The following PDE3A variants were observed in gnomAD, a reference collection of about 807,000 sequenced individuals.
The protein encoded by PDE3A is cGMP-inhibited 3',5'-cyclic phosphodiesterase 3A.
PDE3A carries 43 observed loss-of-function variants against 98.3 expected under a neutral mutation model. The observed-to-expected ratio is 0.44, with a 90% CI of 0.34 to 0.56. The LOEUF (loss-of-function observed/expected upper bound fraction) is 0.56, where lower values mean the gene tolerates loss of function less well. Among genes scored for constraint, PDE3A ranks in the 20% least tolerant of loss-of-function variants. The pLI is 0.01. For missense variants in PDE3A, 1,427 were observed against 1,440.7 expected, an observed-to-expected ratio of 0.99 and a Z score of 0.15; for synonymous variants, 663 against 567.9, an observed-to-expected ratio of 1.17 and a Z score of -2.38.
rs188646243 is a variant in PDE3A, at chr12:20,587,334, A to T, written c.1012-26109A>T. ...CAGTGAGCTGACATCACACCACTGC[A>T]CTCCAGCCTGGGCGACAGAGCAAGA... is the stretch of plus-strand genomic sequence containing the variant. On this transcript the variant is annotated intron_variant, in intron 2 of 15. Transcript: ENST00000359062. Among the ~76,000 whole-genome samples, 1,036 of 152,290 alleles carry T rather than the reference A, an allele frequency of 6.8e-3. 12 individuals are homozygous for T. The highest frequency in any genetic ancestry group is 0.024 in the African/African-American group (979 of 41,574).
rs1207919078 is a variant in PDE3A, at chr12:20,635,082, C to T, written c.2001+26C>T. Reference sequence around the variant, plus strand: ...GTAGTCCCATATCACTTAACTCACTCATTTACTTGAGAGATGAGCTTCTGT... The same window carrying T: ...GTAGTCCCATATCACTTAACTCACTTATTTACTTGAGAGATGAGCTTCTGT... On this transcript the variant is annotated intron_variant, in intron 8 of 15. Coordinates refer to ENST00000359062, the MANE Select transcript of PDE3A (RefSeq NM_000921.5). 3 of 1,585,642 alleles carry T rather than the reference C, an allele frequency of 1.9e-6. No individual in the cohort carries two copies. The South Asian group carries it at 3.4e-5, about 18-fold the overall frequency.
At chr12:20,573,563 G>C (rs576714881) in intron 2 of PDE3A, among the ~76,000 whole-genome samples, 2 of 151,998 alleles carry the variant, frequency 1.3e-5, no homozygotes, top group African/African-American at 4.8e-5. Context: ...CAGGACAAAC[G>C]CAAGAGGTAA....
intron 1 of PDE3A, among the ~76,000 whole-genome samples, chr12:20,512,270 C>CT (rs1462906651): frequency 1.3e-5 from 2 of 151,930 alleles, no homozygotes; most frequent in East Asian, 3.9e-4. Context: ...GGAGGGGGCA[C>CT]AGTATAAGAG....
chr12:20,448,389 C>T (rs769621007), intron 1 of PDE3A, among the ~76,000 whole-genome samples: 6 of 152,078 alleles, frequency 3.9e-5, no homozygotes, highest in Admixed American at 1.3e-4. Context: ...TGCTGTGAGC[C>T]GAGGTCGCGT....
chr12:20,441,085 A>C (rs1235931218), intron 1 of PDE3A, among the ~76,000 whole-genome samples: 1 of 152,212 alleles, frequency 6.6e-6, no homozygotes, highest in Admixed American at 6.5e-5. Flanking sequence ...ACCACAAAGT[A>C]CTGTTGGGAG....
intron 15 of PDE3A, among the ~76,000 whole-genome samples, chr12:20,679,320 T>C (rs1047378303): frequency 3.3e-5 from 5 of 152,324 alleles, no homozygotes; most frequent in Non-Finnish European, 5.9e-5. Flanking sequence ...CTATCTCAGC[T>C]CACTGCAAGC....
At chr12:20,490,567 T>G (rs1945809866) in intron 1 of PDE3A, among the ~76,000 whole-genome samples, 2 of 152,226 alleles carry the variant, frequency 1.3e-5, no homozygotes, top group East Asian at 3.9e-4. Context: ...AGGTGCAACT[T>G]AGACTCCAGT....
chr12:20,415,863 G>A (rs1315625765), intron 1 of PDE3A, among the ~76,000 whole-genome samples: 1 of 152,214 alleles, frequency 6.6e-6, no homozygotes, highest in African/African-American at 2.4e-5. Flanking sequence ...AGGCAGTACA[G>A]GCTTCAGTGT....
At chr12:20,576,048 C>A (rs1173757632) in intron 2 of PDE3A, among the ~76,000 whole-genome samples, 1 of 151,840 alleles carries the variant, frequency 6.6e-6, no homozygotes, top group Non-Finnish European at 1.5e-5. Context: ...TTATAGGGTA[C>A]ATGAAATATT....
chr12:20,537,108 A>G (rs905078001), intron 1 of PDE3A, among the ~76,000 whole-genome samples: 1 of 152,066 alleles, frequency 6.6e-6, no homozygotes, highest in African/African-American at 2.4e-5. Flanking sequence ...TGATGGGTAT[A>G]AGATGGTATC....
At chr12:20,611,740 C>T (rs907448603) in intron 2 of PDE3A, among the ~76,000 whole-genome samples, 44 of 151,820 alleles carry the variant, frequency 2.9e-4, no homozygotes, top group African/African-American at 1.0e-3. Flanking sequence ...TGTTAGGTGT[C>T]ATGATATTTT....
intron 1 of PDE3A, among the ~76,000 whole-genome samples, chr12:20,530,093 C>G (rs1946596980): frequency 6.6e-6 from 1 of 152,136 alleles, no homozygotes. Flanking sequence ...CAGGTACAGA[C>G]TTCATTTATT....
rs1212588050 is a variant in PDE3A, at chr12:20,687,078, G to A, written c.*6807G>A. ...AACTGCTACTTGAATAACTTTTGAAGAGAAAGATTTTCTTTCCGGTAATTT... is the reference window on the plus strand; with the variant it reads ...AACTGCTACTTGAATAACTTTTGAAAAGAAAGATTTTCTTTCCGGTAATTT... On this transcript the variant is annotated 3_prime_UTR_variant, in exon 16 of 16. Transcript: ENST00000359062. Among the ~76,000 whole-genome samples, 2 of 152,024 alleles carry A rather than the reference G, an allele frequency of 1.3e-5. No individual in the cohort carries two copies. The highest frequency in any genetic ancestry group is 2.9e-5 in the Non-Finnish European group (2 of 67,950).
chr12:20,577,237 A>C (rs1382758962), intron 2 of PDE3A, among the ~76,000 whole-genome samples: 1 of 152,102 alleles, frequency 6.6e-6, no homozygotes. Flanking sequence ...GCACCCAGTG[A>C]CTAGGTGAGC....
chr12:20,493,737 T>G (rs1323734105), intron 1 of PDE3A, among the ~76,000 whole-genome samples: 1 of 152,198 alleles, frequency 6.6e-6, no homozygotes, highest in East Asian at 1.9e-4. Context: ...TTCAAGCAAT[T>G]CTACTGCCTC....
In PDE3A at chr12:20,612,683, AC is replaced by A. The variant is rs1194558601; in HGVS notation, c.1012-759del. Among the ~76,000 whole-genome samples, 15 of 5,452 alleles carry A rather than the reference AC, an allele frequency of 2.8e-3. 2 individuals carry two copies. The highest frequency in any genetic ancestry group is 6.8e-3 in the African/African-American group (15 of 2,196). The allele number at this position is 5,452 out of a possible 152,430, so 3.6% of individuals were successfully genotyped here. ...AGTAATATAGTTACTTATATAAGTA[AC>A]TATATATAAGTAATATAGTTACTTA... On this transcript the variant is annotated intron_variant, in intron 2 of 15. Coordinates refer to ENST00000359062, the MANE Select transcript of PDE3A (RefSeq NM_000921.5).
At chr12:20,594,045 A>G (rs549664924) in intron 2 of PDE3A, among the ~76,000 whole-genome samples, 1 of 152,306 alleles carries the variant, frequency 6.6e-6, no homozygotes, top group East Asian at 1.9e-4. Context: ...TGTTGTCATT[A>G]GATATTTTGA....
intron 1 of PDE3A, among the ~76,000 whole-genome samples, chr12:20,527,204 GT>G (rs1283777350): frequency 1.3e-5 from 2 of 151,916 alleles, no homozygotes; most frequent in Admixed American, 1.3e-4. Context: ...GCCCGGCCGT[GT>G]TTTTTTGTTT....
At chr12:20,492,685 G>C (rs113072875) in intron 1 of PDE3A, among the ~76,000 whole-genome samples, 2 of 152,128 alleles carry the variant, frequency 1.3e-5, no homozygotes. Flanking sequence ...ATTGGATTAC[G>C]CTGCTGCACT....
Sources: gnomAD v4.1 joint callset for allele counts (sites outside exome capture counted in the v4.1 genomes callset) on GRCh38, gnomAD v4.1.1 for gene constraint, MANE v1.5 for transcripts, NCBI Gene and HGNC (gene_info 2026-07-23, HGNC 2026-07-21) for gene names.